FAM171A1: variants seen among roughly 807,000 people sequenced by gnomAD.
The protein encoded by FAM171A1 is family with sequence similarity 171 member A1.
In FAM171A1, 23 loss-of-function variants were observed where a neutral mutation model predicts 74.9. The ratio of observed to expected loss-of-function variants is 0.31; its 90% confidence interval spans 0.22 to 0.44. FAM171A1 has a LOEUF of 0.44. Ranked by LOEUF, FAM171A1 falls within the 20% of genes least tolerant of loss-of-function variation. The pLI, the probability that FAM171A1 is intolerant of heterozygous loss-of-function variation, is 1.00. For missense variants in FAM171A1, 1,162 were observed against 1,159.2 expected (o/e 1.00, Z -0.03); for synonymous variants, 527 against 505.7 (o/e 1.04, Z -0.57).
At chr10:15,370,874 CCCGCCGCCGCCG>C (rs564269771) in intron 1 of FAM171A1, 70 bp downstream of exon 1, 22 of 656,352 alleles carry the variant, frequency 3.4e-5, no homozygotes, top group Admixed American at 6.3e-5. Flanking sequence ...CCGGGACCCT[CCCGCCGCCGCCG>C]CCGCCGCCGC....
intron 1 of FAM171A1, among the ~76,000 whole-genome samples, chr10:15,354,638 A>G (rs1330393942): frequency 6.6e-6 from 1 of 152,214 alleles, no homozygotes; most frequent in Admixed American, 6.5e-5. Flanking sequence ...AGCACTTCAC[A>G]TAAAGAGAAG....
At chr10:15,359,043 G>A (rs1334853215) in intron 1 of FAM171A1, among the ~76,000 whole-genome samples, 2 of 152,178 alleles carry the variant, frequency 1.3e-5, no homozygotes, top group East Asian at 3.9e-4. Flanking sequence ...TGCGATTGAT[G>A]TGAAGATTAA....
intron 1 of FAM171A1, among the ~76,000 whole-genome samples, chr10:15,298,669 T>C (rs1314930490): frequency 6.6e-6 from 1 of 152,190 alleles, no homozygotes; most frequent in African/African-American, 2.4e-5. Flanking sequence ...TTTAAGAACT[T>C]TTCCATAAGA....
intron 1 of FAM171A1, among the ~76,000 whole-genome samples, chr10:15,285,500 T>C (rs557327993): frequency 5.9e-5 from 9 of 152,172 alleles, no homozygotes; most frequent in South Asian, 4.1e-4. Context: ...GACTCTGTGA[T>C]AACCCAGAAC....
chr10:15,251,953 C>G (rs1481390458), intron 4 of FAM171A1, among the ~76,000 whole-genome samples: 1 of 152,166 alleles, frequency 6.6e-6, no homozygotes, highest in Non-Finnish European at 1.5e-5. Flanking sequence ...GCTGTATCAC[C>G]TTGGGCCATC....
At chr10:15,290,138 G>A (rs191115644) in intron 1 of FAM171A1, among the ~76,000 whole-genome samples, 1 of 151,872 alleles carries the variant, frequency 6.6e-6, no homozygotes, top group African/African-American at 2.4e-5. Context: ...TGAGGCCGGA[G>A]AATTGCTTGA....
chr10:15,230,412 A>C (rs1426369575), intron 5 of FAM171A1, among the ~76,000 whole-genome samples: 2 of 152,238 alleles, frequency 1.3e-5, no homozygotes, highest in Non-Finnish European at 2.9e-5. Context: ...AGCAAAAGTT[A>C]TGTGCAGATG....
intron 6 of FAM171A1, among the ~76,000 whole-genome samples, chr10:15,217,358 T>C (rs1833979858): frequency 6.6e-6 from 1 of 152,226 alleles, no homozygotes; most frequent in Non-Finnish European, 1.5e-5. Flanking sequence ...GCTATGATTA[T>C]TAAACACCAC....
chr10:15,255,796 C>T (rs915158884), intron 3 of FAM171A1, among the ~76,000 whole-genome samples: 6 of 151,750 alleles, frequency 4.0e-5, no homozygotes, highest in Non-Finnish European at 5.9e-5. Flanking sequence ...TACAGGTGCC[C>T]GCCACCACAC....
Position 15,214,863 on chromosome 10 carries a change from T to A in FAM171A1, c.987-262A>T, listed in dbSNP as rs190482864. On this transcript the variant is annotated intron_variant, in intron 7 of 7. Transcript: ENST00000378116. The stretch of plus-strand genomic sequence containing the variant: ...GCAGGCTTGACCTCATGGGCTCAAG[T>A]GATCCTCCCACCTCAGCCTCCCGAG... 5.4e-3 allele frequency among the ~76,000 whole-genome samples: 817 copies of A among 151,716 alleles called. 2 individuals carry two copies. The highest frequency in any genetic ancestry group is 8.9e-3 in the Non-Finnish European group (603 of 67,938).
At chr10:15,348,905 T>C (rs1456791271) in intron 1 of FAM171A1, among the ~76,000 whole-genome samples, 3 of 152,204 alleles carry the variant, frequency 2.0e-5, no homozygotes, top group African/African-American at 7.2e-5. Context: ...TATTGACCTT[T>C]TCTCTAAAGC....
upstream of FAM171A1, among the ~76,000 whole-genome samples, chr10:15,372,498 C>A (rs189257266): frequency 6.6e-6 from 1 of 150,972 alleles, no homozygotes; most frequent in Non-Finnish European, 1.5e-5. Flanking sequence ...AGTTAAGAGA[C>A]CAGCTGGGCC....
intron 1 of FAM171A1, among the ~76,000 whole-genome samples, chr10:15,288,593 G>C (rs1167862855): frequency 1.3e-5 from 2 of 152,152 alleles, no homozygotes; most frequent in African/African-American, 4.8e-5. Flanking sequence ...TGTTTGCTAA[G>C]AAGGCAAAAA....
chr10:15,317,694 G>C (rs1302453831), intron 1 of FAM171A1, among the ~76,000 whole-genome samples: 1 of 152,158 alleles, frequency 6.6e-6, no homozygotes, highest in East Asian at 1.9e-4. Flanking sequence ...TGCCCAGCCT[G>C]CACTGATATT....
chr10:15,352,383 T>C (rs557933815), intron 1 of FAM171A1, among the ~76,000 whole-genome samples: 2 of 152,340 alleles, frequency 1.3e-5, no homozygotes, highest in Admixed American at 6.5e-5. Context: ...GAAACAGGAA[T>C]GGGCCTCACC....
intron 1 of FAM171A1, among the ~76,000 whole-genome samples, chr10:15,304,634 C>T (rs1435516594): frequency 6.6e-6 from 1 of 152,184 alleles, no homozygotes; most frequent in African/African-American, 2.4e-5. Flanking sequence ...TCCTGGCTGG[C>T]CCTGGTGTTT....
chr10:15,258,025 C>T (rs1169751288), intron 3 of FAM171A1, among the ~76,000 whole-genome samples: 3 of 152,066 alleles, frequency 2.0e-5, no homozygotes, highest in Non-Finnish European at 2.9e-5. Context: ...CGGGGGTCCC[C>T]GCTTCCTCTC....
intron 1 of FAM171A1, among the ~76,000 whole-genome samples, chr10:15,284,755 G>A (rs535000986): frequency 1.3e-5 from 2 of 152,236 alleles, no homozygotes; most frequent in South Asian, 4.1e-4. Context: ...CCACAGTAAG[G>A]GCACAGTGGG....
At chr10:15,330,657 C>G (rs1367319397) in intron 1 of FAM171A1, among the ~76,000 whole-genome samples, 1 of 151,778 alleles carries the variant, frequency 6.6e-6, no homozygotes, top group African/African-American at 2.4e-5. Context: ...CTAAAAAGCA[C>G]TCCTGAACAC....
Sources: allele counts gnomAD v4.1 joint callset (sites outside exome capture counted in the v4.1 genomes callset), GRCh38; gene constraint gnomAD v4.1.1; transcripts MANE v1.5; gene names NCBI Gene and HGNC (gene_info 2026-07-23, HGNC 2026-07-21).